PDE11A: variants seen among roughly 807,000 people sequenced by gnomAD.
PDE11A encodes phosphodiesterase 11A.
PDE11A carries 100 observed loss-of-function variants against 100.5 expected under a neutral mutation model. The observed-to-expected ratio is 1.00, with a 90% CI of 0.85 to 1.18. The LOEUF (loss-of-function observed/expected upper bound fraction) is 1.18. PDE11A is among the 50% of genes most tolerant of loss of function. The pLI, the probability that PDE11A is intolerant of heterozygous loss-of-function variation, is 0.00. For synonymous variants in PDE11A, 381 were observed against 420.8 expected (o/e 0.91, Z 1.16); for missense variants, 1,141 against 1,152.6 (o/e 0.99, Z 0.15).
chr2:177,636,632 CT>C (rs200247018), intron 19 of PDE11A, among the ~76,000 whole-genome samples: 2,679 of 152,248 alleles, frequency 0.018, 33 homozygotes, highest in Non-Finnish European at 0.026. Context: ...GAAGAACTCA[CT>C]CGTGGTCATT....
chr2:177,929,698 G>C (rs934533823), intron 2 of PDE11A, among the ~76,000 whole-genome samples: 3 of 152,162 alleles, frequency 2.0e-5, no homozygotes, highest in African/African-American at 4.8e-5. Context: ...TGGGAAGAGA[G>C]AGTTAATTTT....
At chr2:177,883,871 A>G (rs1328816186) in intron 4 of PDE11A, among the ~76,000 whole-genome samples, 1 of 152,180 alleles carries the variant, frequency 6.6e-6, no homozygotes, top group Non-Finnish European at 1.5e-5. Context: ...GGTGATTTTG[A>G]TATCCATGTG....
chr2:178,102,056 T>A (rs1393674655), intron 2 of PDE11A, among the ~76,000 whole-genome samples: 1 of 152,070 alleles, frequency 6.6e-6, no homozygotes, highest in Non-Finnish European at 1.5e-5. Flanking sequence ...CTTAACCTCC[T>A]GGGCTCAAGG....
intron 19 of PDE11A, among the ~76,000 whole-genome samples, chr2:177,640,811 C>T (rs370538009): frequency 3.3e-5 from 5 of 152,200 alleles, no homozygotes; most frequent in Non-Finnish European, 5.9e-5. Flanking sequence ...CTTCCTCTTA[C>T]GTTTACTCTG....
chr2:177,847,078 T>C (rs2105639371), intron 5 of PDE11A, among the ~76,000 whole-genome samples: 1 of 152,284 alleles, frequency 6.6e-6, no homozygotes. Context: ...CTCCAATTCC[T>C]TAAGTTACTC....
intron 3 of PDE11A, among the ~76,000 whole-genome samples, chr2:177,900,767 G>GAAAAGA (rs5836632): frequency 1.3e-5 from 2 of 151,614 alleles, no homozygotes; most frequent in South Asian, 2.1e-4. Flanking sequence ...CAAAAAAAAA[G>GAAAAGA]AAAGAAAAGA....
chr2:177,972,378 T>A (rs2105798074), intron 2 of PDE11A, among the ~76,000 whole-genome samples: 1 of 152,266 alleles, frequency 6.6e-6, no homozygotes, highest in East Asian at 1.9e-4. Flanking sequence ...ACCCTGGGAT[T>A]TGTCTGGCAG....
At chr2:177,745,078 T>C (rs1029912143) in intron 10 of PDE11A, among the ~76,000 whole-genome samples, 3 of 152,232 alleles carry the variant, frequency 2.0e-5, no homozygotes, top group African/African-American at 4.8e-5. Flanking sequence ...CCTCATTTTA[T>C]ATTGCCCCAG....
chr2:177,903,123 T>G (rs1007931879), intron 3 of PDE11A, among the ~76,000 whole-genome samples: 2 of 152,142 alleles, frequency 1.3e-5, no homozygotes, highest in Non-Finnish European at 2.9e-5. Context: ...TCCCTTTCAC[T>G]CTTCCCCTTT....
chr2:177,769,115 T>C (rs550305643), intron 10 of PDE11A, among the ~76,000 whole-genome samples: 1 of 152,302 alleles, frequency 6.6e-6, no homozygotes, highest in South Asian at 2.1e-4. Flanking sequence ...AAATACTGAA[T>C]CATGTACATG....
At chr2:177,945,121 G>T (rs1051170887) in intron 2 of PDE11A, among the ~76,000 whole-genome samples, 1 of 151,156 alleles carries the variant, frequency 6.6e-6, no homozygotes, top group Non-Finnish European at 1.5e-5. Flanking sequence ...TTCACTCAGT[G>T]CTCAATGGTG....
At chr2:177,957,506 C>T (rs2085579933) in intron 2 of PDE11A, among the ~76,000 whole-genome samples, 1 of 152,146 alleles carries the variant, frequency 6.6e-6, no homozygotes, top group Non-Finnish European at 1.5e-5. Flanking sequence ...GATTTTTAAA[C>T]CATTTTTGTC....
intron 2 of PDE11A, among the ~76,000 whole-genome samples, chr2:178,083,896 T>G (rs2087317023): frequency 6.6e-6 from 1 of 152,222 alleles, no homozygotes; most frequent in East Asian, 1.9e-4. Context: ...TTGTAAAAAT[T>G]TAAACGTAAG....
chr2:177,846,997 C>A (rs1001308723), intron 5 of PDE11A, among the ~76,000 whole-genome samples: 2 of 152,134 alleles, frequency 1.3e-5, no homozygotes, highest in African/African-American at 4.8e-5. Context: ...TCTGACAGCC[C>A]TCAAAATATT....
intron 9 of PDE11A, among the ~76,000 whole-genome samples, chr2:177,776,415 C>G (rs1042948381): frequency 1.3e-5 from 2 of 152,138 alleles, no homozygotes; most frequent in Admixed American, 1.3e-4. Flanking sequence ...TCTCCTTTCA[C>G]CCCCACCTCA....
intron 6 of PDE11A, among the ~76,000 whole-genome samples, chr2:177,835,028 G>A (rs1010015635): frequency 6.6e-6 from 1 of 152,074 alleles, no homozygotes; most frequent in Non-Finnish European, 1.5e-5. Context: ...GGAACGCAAA[G>A]GTTATGACAA....
chr2:178,086,332 C>T (rs894685341), intron 2 of PDE11A, among the ~76,000 whole-genome samples: 1 of 151,244 alleles, frequency 6.6e-6, no homozygotes, highest in Non-Finnish European at 1.5e-5. Context: ...AAAGTCAACC[C>T]GGATTCAGCA....
At chr2:177,940,838 T>C (rs1357283523) in intron 2 of PDE11A, among the ~76,000 whole-genome samples, 1 of 152,228 alleles carries the variant, frequency 6.6e-6, no homozygotes, top group Non-Finnish European at 1.5e-5. Context: ...TCTTGCAGTC[T>C]AGAAGAAATG....
At chr2:178,018,822 A>G (rs1454248003) in intron 1 of PDE11A, among the ~76,000 whole-genome samples, 1 of 152,218 alleles carries the variant, frequency 6.6e-6, no homozygotes, top group Non-Finnish European at 1.5e-5. Context: ...CGCTGGGATC[A>G]CAGGTGTGAG....
Sources: gnomAD v4.1 joint callset for allele counts (sites outside exome capture counted in the v4.1 genomes callset) on GRCh38, gnomAD v4.1.1 for gene constraint, MANE v1.5 for transcripts, NCBI Gene and HGNC (gene_info 2026-07-23, HGNC 2026-07-21) for gene names.